Variants in TESK2 observed in about 807,000 individuals in gnomAD.
TESK2 encodes dual specificity testis-specific protein kinase 2.
Under a neutral mutation model 57.1 loss-of-function variants are expected in TESK2, and 39 were observed. The ratio of observed to expected loss-of-function variants is 0.68; its 90% CI spans 0.53 to 0.89. The LOEUF (loss-of-function observed/expected upper bound fraction) is 0.89. Ranked by LOEUF, TESK2 falls within the 40% of genes least tolerant of loss-of-function variation. The pLI is 0.00. For missense variants in TESK2, 646 were observed against 732.1 expected (o/e 0.88, Z 1.36); for synonymous variants, 249 against 267.9 (o/e 0.93, Z 0.69).
chr1:45,473,034 G>T (rs1442805380), intron 1 of TESK2, among the ~76,000 whole-genome samples: 2 of 150,284 alleles, frequency 1.3e-5, no homozygotes, highest in Non-Finnish European at 3.0e-5. Flanking sequence ...GGTGCCTGTA[G>T]TCCCAGCTAA....
intron 1 of TESK2, among the ~76,000 whole-genome samples, chr1:45,463,460 T>C (rs1652416381): frequency 6.6e-6 from 1 of 152,362 alleles, no homozygotes; most frequent in Middle Eastern, 3.4e-3. Context: ...CACCATTCAT[T>C]GAAGAGATTG....
At chr1:45,441,127 A>T (rs1327868110) in intron 2 of TESK2, among the ~76,000 whole-genome samples, 1 of 152,126 alleles carries the variant, frequency 6.6e-6, no homozygotes, top group Non-Finnish European at 1.5e-5. Context: ...CTTTTAAATC[A>T]CTACATTTGT....
chr1:45,447,763 C>T (rs1034054799), intron 2 of TESK2, among the ~76,000 whole-genome samples: 4 of 152,176 alleles, frequency 2.6e-5, no homozygotes, highest in Admixed American at 2.6e-4. Flanking sequence ...GCAATACCAC[C>T]GTCACGGGTA....
chr1:45,380,823 G>C (rs984629484), intron 4 of TESK2, among the ~76,000 whole-genome samples: 1 of 152,136 alleles, frequency 6.6e-6, no homozygotes, highest in Admixed American at 6.6e-5. Context: ...CCAATGACCA[G>C]GAAGAAAGTA....
At chr1:45,466,668 T>C (rs1411113092) in intron 1 of TESK2, among the ~76,000 whole-genome samples, 1 of 147,954 alleles carries the variant, frequency 6.8e-6, no homozygotes, top group Non-Finnish European at 1.5e-5. Context: ...ATAATAATAA[T>C]ATATATTATA....
intron 4 of TESK2, among the ~76,000 whole-genome samples, chr1:45,365,943 G>T (rs530336661): frequency 1.3e-5 from 2 of 152,164 alleles, no homozygotes; most frequent in East Asian, 3.9e-4. Context: ...CAAAGTGCTG[G>T]GATTACAGGC....
At chr1:45,468,935 A>C (rs1652658930) in intron 1 of TESK2, among the ~76,000 whole-genome samples, 1 of 152,252 alleles carries the variant, frequency 6.6e-6, no homozygotes, top group South Asian at 2.1e-4. Context: ...AGCATTTAGC[A>C]GTCTTTCAAA....
intron 1 of TESK2, among the ~76,000 whole-genome samples, chr1:45,478,093 C>A (rs1357760227): frequency 6.6e-6 from 1 of 152,218 alleles, no homozygotes; most frequent in Non-Finnish European, 1.5e-5. Context: ...ACATCTCCAG[C>A]CTCATCTATG....
At chr1:45,382,197 C>A (rs1396488043) in intron 4 of TESK2, among the ~76,000 whole-genome samples, 1 of 152,100 alleles carries the variant, frequency 6.6e-6, no homozygotes, top group African/African-American at 2.4e-5. Context: ...TATTTCAACT[C>A]ATTAAATTTA....
chr1:45,439,541 A>T (rs1651356798), intron 2 of TESK2, among the ~76,000 whole-genome samples: 1 of 152,230 alleles, frequency 6.6e-6, no homozygotes, highest in African/African-American at 2.4e-5. Context: ...CTTTACGCAT[A>T]ATAGTTCATT....
At chr1:45,381,358 C>T (rs1648646536) in intron 4 of TESK2, among the ~76,000 whole-genome samples, 1 of 152,226 alleles carries the variant, frequency 6.6e-6, no homozygotes, top group Admixed American at 6.5e-5. Flanking sequence ...GAGCATACTT[C>T]CTACCCCTGG....
At chr1:45,402,095 A>G (rs1311682273) in intron 3 of TESK2, among the ~76,000 whole-genome samples, 1 of 151,518 alleles carries the variant, frequency 6.6e-6, no homozygotes, top group African/African-American at 2.4e-5. Context: ...AAAAAAGAAA[A>G]GAAAAGAAAA....
intron 2 of TESK2, among the ~76,000 whole-genome samples, chr1:45,452,651 A>G (rs944109460): frequency 4.6e-5 from 7 of 152,098 alleles, no homozygotes; most frequent in African/African-American, 1.7e-4. Flanking sequence ...GCTAACGCCT[A>G]TAACCCAGCA....
intron 5 of TESK2, among the ~76,000 whole-genome samples, chr1:45,353,330 G>A (rs1254841848): frequency 1.3e-5 from 2 of 152,124 alleles, no homozygotes; most frequent in African/African-American, 4.8e-5. Flanking sequence ...GTAGATAAAG[G>A]GCTCCTTACA....
rs77622107 is a variant in TESK2, at chr1:45,356,891, A to G, written c.394-1442T>C. Among the ~76,000 whole-genome samples the G allele has an allele frequency of 1.6e-3, 245 of 152,234 alleles. 3 individuals carry two copies. In the East Asian group the frequency reaches 0.017, roughly 11 times the overall value. On this transcript the variant is annotated intron_variant, in intron 4 of 10. Transcript: ENST00000372086. ...CAGGCAAGAATGTCAATAGGAGAAC[A>G]TTCTAAATGTTCAGAAGGACGGCCG...
At chr1:45,368,728 G>A (rs965321894) in intron 4 of TESK2, among the ~76,000 whole-genome samples, 1 of 151,826 alleles carries the variant, frequency 6.6e-6, no homozygotes, top group Non-Finnish European at 1.5e-5. Context: ...CCAGGTGTGA[G>A]CCACTGCACC....
chr1:45,391,160 C>T (rs1649128419), intron 3 of TESK2, among the ~76,000 whole-genome samples: 1 of 151,600 alleles, frequency 6.6e-6, no homozygotes, highest in Non-Finnish European at 1.5e-5. Flanking sequence ...TCGTGATCCG[C>T]CCCCCTCAGC....
chr1:45,486,627 A>G lies in TESK2; in HGVS notation c.-87+4225T>C, dbSNP rs191258092. 5.8e-3 allele frequency among the ~76,000 whole-genome samples: 872 copies of G among 151,164 alleles called. 2 individuals are homozygous for G. The highest frequency in any genetic ancestry group is 9.8e-3 in the Non-Finnish European group (663 of 67,832). ...GAAGCGGAGCTTGCAGTGAGCCGAG[A>G]TCTTGCCACTGCACTCCAGCCTGGG... On this transcript the variant is annotated intron_variant, in intron 1 of 10. Coordinates refer to ENST00000372086, the MANE Select transcript of TESK2 (RefSeq NM_007170.3).
At chr1:45,427,846 A>G (rs1650767718) in intron 2 of TESK2, among the ~76,000 whole-genome samples, 1 of 152,176 alleles carries the variant, frequency 6.6e-6, no homozygotes, top group Admixed American at 6.5e-5. Context: ...ATTTAGTACA[A>G]CAGGGTGATT....
Sources: allele counts gnomAD v4.1 joint callset (sites outside exome capture counted in the v4.1 genomes callset), GRCh38; gene constraint gnomAD v4.1.1; transcripts MANE v1.5; gene names NCBI Gene and HGNC (gene_info 2026-07-23, HGNC 2026-07-21).